SYP: variants seen among roughly 807,000 people sequenced by gnomAD.
SYP encodes the protein major synaptic vesicle protein P38.
In SYP, 2 loss-of-function variants were observed where a neutral mutation model predicts 24.3. The observed-to-expected ratio is 0.08, with a 90% CI of 0.03 to 0.26. SYP has a LOEUF of 0.26. Ranked by LOEUF, SYP falls within the 10% of genes least tolerant of loss-of-function variation. The pLI is 1.00. For missense variants in SYP, 216 were observed against 266.3 expected, an observed-to-expected ratio of 0.81 and a Z score of 1.32; for synonymous variants, 143 against 123.2, an observed-to-expected ratio of 1.16 and a Z score of -1.07.
chrX:49,198,992 G>A lies in SYP; in HGVS notation c.78C>T (p.Leu26=), dbSNP rs781959656. The change falls in exon 2 of 7, where the codon CTC becomes CTT. Residue 26 remains leucine (L), a synonymous_variant. Coordinates refer to ENST00000263233, the MANE Select transcript of SYP (RefSeq NM_003179.3). ...CCCATTGCAGCACCTTCACAAAGCC[G>A]AGGGGCTCCTTGACCACCCGGAACT... ...GGQFRVVKEP[L]GFVKVLQWVF... The A allele has an allele frequency of 5.0e-6, 6 of 1,211,592 alleles. No homozygotes were observed. The highest frequency in any genetic ancestry group is 5.6e-6 in the Non-Finnish European group (5 of 895,457).
chrX:49,193,018 T>G (rs1375167029), intron 5 of SYP, among the ~76,000 whole-genome samples: 6 of 112,301 alleles, frequency 5.3e-5, no homozygotes, highest in Non-Finnish European at 9.4e-5. Flanking sequence ...GCTGAGTTGC[T>G]TATTTTACAT....
intron 6 of SYP, 72 bp downstream of exon 6, chrX:49,191,361 C>T: frequency 8.9e-7 from 1 of 1,124,194 alleles, no homozygotes; most frequent in Non-Finnish European, 1.2e-6. Context: ...ACCCCTGACT[C>T]TTATTGGTTC....
At position 49,193,306 on chromosome X, in the gene SYP, C is replaced by G. The variant is rs782428065; in HGVS notation, c.581G>C (p.Arg194Thr). The G allele has an allele frequency of 8.2e-7, 1 of 1,212,311 alleles. No homozygotes were observed. Among genetic ancestry groups the G allele is most frequent in the Non-Finnish European group, 1.1e-6 (1 of 895,609 alleles). ...GTTGAGTCCCGAGGTCACAGGGTCT[C>G]TCAGCTCCTTGCATGTGTTCCCTGT... ...RQTGNTCKEL[R>T]DPVTSGLNTS... The change falls in exon 5 of 7, where the codon AGA (arginine) becomes ACA (threonine). Residue 194 changes from arginine to threonine, a missense_variant. By Grantham distance (71) the Arg-to-Thr change is moderately conservative. Coordinates refer to ENST00000263233, the MANE Select transcript of SYP (RefSeq NM_003179.3).
intron 3 of SYP, chrX:49,197,367 A>AGAAT: frequency 4.3e-6 from 1 of 231,651 alleles, no homozygotes; most frequent in Non-Finnish European, 7.9e-6. Flanking sequence ...AAATGTGTAT[A>AGAAT]GAATGAATGA....
At chrX:49,193,568 C>T (rs781908019) in intron 4 of SYP, 105 bp from the exon 5 acceptor site, 1 of 929,372 alleles carries the variant, frequency 1.1e-6, no homozygotes, top group Non-Finnish European at 1.5e-6. Context: ...GCCTGTCTCT[C>T]CCCTGCCTTT....
At chrX:49,194,721 T>TTA (rs2147882923) in intron 3 of SYP, among the ~76,000 whole-genome samples, 1 of 94,382 alleles carries the variant, frequency 1.1e-5, no homozygotes, top group South Asian at 5.6e-4. Flanking sequence ...TTTTTTTTTT[T>TTA]TTTTTTGAGA....
At position 49,200,176 on chromosome X, in the gene SYP, A is replaced by C. The variant is rs1276684084; in HGVS notation, c.11T>G (p.Leu4Arg). The C allele has an allele frequency of 1.1e-5, 13 of 1,165,048 alleles. No individual in the cohort carries two copies. The highest frequency in any genetic ancestry group is 1.5e-5 in the Non-Finnish European group (13 of 871,623). ...CTGATTCACCACGTCCATGTCCGCC[A>C]GCAGCAGCATCAGCAATGCAGGGGG... MLLLADMDVVNQLV... is the reference protein window; with the variant it reads MLLRADMDVVNQLV... The change falls in exon 1 of 7, where the codon CTG becomes CGG. Residue 4 changes from leucine to arginine, a missense_variant. This residue lies in a region of SYP where 102 missense variants were observed against 158.4 expected (regional missense o/e 0.64). Transcript: ENST00000263233.
Position 49,189,257 on chromosome X carries a change from C to T in SYP, c.*30G>A, listed in dbSNP as rs782141959. The stretch of plus-strand genomic sequence containing the variant: ...GGCCTTCTCCTGAGCTCTTGCCCCC[C>T]CCAGGTCCTCCTGGGCTTCACTGAC... On this transcript the variant is annotated 3_prime_UTR_variant, in exon 7 of 7. Coordinates refer to ENST00000263233, the MANE Select transcript of SYP (RefSeq NM_003179.3). The T allele has an allele frequency of 1.8e-5, 2 of 109,609 alleles. No individual in the cohort carries two copies. The highest frequency in any genetic ancestry group is 9.8e-5 in the Admixed American group (1 of 10,215). 9.0% of individuals were successfully genotyped at this position (109,609 alleles called of 1,213,427 possible).
chrX:49,197,243 A>T (rs2065531817), intron 3 of SYP: 1 of 118,987 alleles, frequency 8.4e-6, no homozygotes, highest in Non-Finnish European at 1.7e-5. Flanking sequence ...TCGGCCTCTC[A>T]AAGTGCTGGG....
chrX:49,195,128 G>T, intron 3 of SYP, among the ~76,000 whole-genome samples: 1 of 110,008 alleles, frequency 9.1e-6, no homozygotes, highest in Non-Finnish European at 1.9e-5. Context: ...TGGCTTCCTT[G>T]CTCCACTTTT....
intron 2 of SYP, chrX:49,198,268 A>G: frequency 5.6e-6 from 1 of 177,024 alleles, no homozygotes; most frequent in East Asian, 1.7e-4. Flanking sequence ...CTGTCTGTGT[A>G]AGTGTATGCC....
At chrX:49,193,881 G>A (rs782730710) in intron 4 of SYP, among the ~76,000 whole-genome samples, 1 of 111,601 alleles carries the variant, frequency 9.0e-6, no homozygotes, top group Non-Finnish European at 1.9e-5. Flanking sequence ...AACCTCTGTG[G>A]GCCTCTTCCT....
intron 1 of SYP, 97 bp from the exon 2 acceptor site, chrX:49,199,130 G>T: frequency 1.2e-6 from 1 of 848,986 alleles, no homozygotes; most frequent in Non-Finnish European, 1.7e-6. Flanking sequence ...GATGGAGCAT[G>T]TGACCTCGGG....
At chrX:49,191,064 T>A in intron 6 of SYP, 1 of 300,605 alleles carries the variant, frequency 3.3e-6, no homozygotes, top group Non-Finnish European at 6.0e-6. Flanking sequence ...AAGACCCACC[T>A]CCTCGTCGCT....
intron 6 of SYP, 69 bp downstream of exon 6, chrX:49,191,364 A>ATTG (rs2065507606): frequency 1.8e-6 from 2 of 1,127,646 alleles, no homozygotes; most frequent in Non-Finnish European, 2.4e-6. Flanking sequence ...CCTGACTCTT[A>ATTG]TTGGTTCACT....
At chrX:49,200,100 C>A (rs1162985572) in intron 1 of SYP, 51 bp downstream of exon 1, 1 of 1,161,617 alleles carries the variant, frequency 8.6e-7, no homozygotes, top group Admixed American at 2.6e-5. Context: ...AGCGACCCGG[C>A]CTAGGCAGCC....
Position 49,191,528 on chromosome X carries a change from C to G in SYP, c.851G>C (p.Ser284Thr). The change falls in exon 6 of 7, where the codon AGC (serine) becomes ACC (threonine). Residue 284 changes from serine to threonine, a missense_variant. Ser to Thr is a moderately conservative substitution (Grantham distance 58, BLOSUM62 1). Around this residue, in one of 2 missense-constraint regions of SYP, gnomAD observed 114 missense variants for 107.9 expected, o/e 1.06. Coordinates refer to ENST00000263233, the MANE Select transcript of SYP (RefSeq NM_003179.3). ...CTGAGGCCCGTAGCCACTGCCACCGCTGCCGGCTGGTTGACCATAGTCAGG... is the reference window on the plus strand; with the variant it reads ...CTGAGGCCCGTAGCCACTGCCACCGGTGCCGGCTGGTTGACCATAGTCAGG... ...YQPDYGQPAG[S>T]GGSGYGPQGD... is the part of the protein sequence containing the mutation. The G allele has an allele frequency of 1.7e-6, 2 of 1,211,427 alleles. No individual in the cohort carries two copies. The highest frequency in any genetic ancestry group is 2.2e-6 in the Non-Finnish European group (2 of 895,455).
chrX:49,198,607 TC>T, intron 2 of SYP: 2 of 253,490 alleles, frequency 7.9e-6, no homozygotes, highest in East Asian at 1.4e-4. Context: ...TCTTTATCAT[TC>T]CCTGTCCCTC....
chrX:49,199,100 G>C, intron 1 of SYP, 67 bp from the exon 2 acceptor site: 1 of 1,059,998 alleles, frequency 9.4e-7, no homozygotes. Context: ...CGGCAAGGCT[G>C]CCCATCAATG....
Sources: gnomAD v4.1 joint callset for allele counts (sites outside exome capture counted in the v4.1 genomes callset) on GRCh38, gnomAD v4.1.1 for gene constraint, gnomAD v4.1.1 regional missense constraint, MANE v1.5 for transcripts, NCBI Gene and HGNC (gene_info 2026-07-23, HGNC 2026-07-21) for gene names.